NTM: variants seen among roughly 807,000 people sequenced by gnomAD.
NTM encodes neurotrimin.
NTM carries 13 observed loss-of-function variants against 42.1 expected under a neutral mutation model. The ratio of observed to expected loss-of-function variants is 0.31; its 90% CI spans 0.20 to 0.49. The LOEUF (loss-of-function observed/expected upper bound fraction) is 0.49, where lower values mean the gene tolerates loss of function less well. NTM is among the 20% of genes least tolerant of loss of function. NTM has a pLI of 0.99. For missense variants in NTM, 373 were observed against 452.8 expected, an observed-to-expected ratio of 0.82 and a Z score of 1.60; for synonymous variants, 187 against 179.2, an observed-to-expected ratio of 1.04 and a Z score of -0.35.
chr11:132,136,308 C>T (rs1310702685), intron 2 of NTM, among the ~76,000 whole-genome samples: 2 of 152,236 alleles, frequency 1.3e-5, no homozygotes, highest in Admixed American at 6.5e-5. Flanking sequence ...ACCTAGGCCC[C>T]AGGCAGTCAT....
chr11:132,255,822 C>T (rs941509801), intron 4 of NTM, among the ~76,000 whole-genome samples: 1 of 152,140 alleles, frequency 6.6e-6, no homozygotes, highest in Non-Finnish European at 1.5e-5. Flanking sequence ...CCTCCCCCTT[C>T]CCTGCTCCAC....
At chr11:131,647,549 G>A (rs2065920754) in intron 1 of NTM, among the ~76,000 whole-genome samples, 1 of 152,212 alleles carries the variant, frequency 6.6e-6, no homozygotes, top group Non-Finnish European at 1.5e-5. Context: ...CAGCTGCACA[G>A]CCTGCCAGGT....
chr11:131,853,418 C>T (rs529002027), intron 1 of NTM, among the ~76,000 whole-genome samples: 3 of 152,222 alleles, frequency 2.0e-5, no homozygotes, highest in African/African-American at 7.2e-5. Flanking sequence ...TGGACAGGCC[C>T]AGTGTGTGTT....
intron 1 of NTM, among the ~76,000 whole-genome samples, chr11:131,454,489 AC>A (rs1289947977): frequency 2.6e-5 from 4 of 151,980 alleles, no homozygotes; most frequent in Non-Finnish European, 4.4e-5. Context: ...ACCTTTACCC[AC>A]TTTAAGTGGA....
At chr11:131,648,847 T>G (rs2066098461) in intron 1 of NTM, among the ~76,000 whole-genome samples, 1 of 152,204 alleles carries the variant, frequency 6.6e-6, no homozygotes, top group Admixed American at 6.5e-5. Context: ...TATTGCATAT[T>G]TCTCTGGGAG....
chr11:131,617,173 G>A (rs1262565281), intron 1 of NTM, among the ~76,000 whole-genome samples: 2 of 152,052 alleles, frequency 1.3e-5, no homozygotes, highest in South Asian at 2.1e-4. Context: ...TGGCGTGTGT[G>A]TACTCCTGTG....
At chr11:131,614,932 G>C (rs187326010) in intron 1 of NTM, among the ~76,000 whole-genome samples, 45 of 152,262 alleles carry the variant, frequency 3.0e-4, no homozygotes, top group Non-Finnish European at 5.0e-4. Flanking sequence ...TCTCTGGCTG[G>C]CTCGCCAAGC....
chr11:131,537,887 TG>T (rs1591979892), intron 1 of NTM: 1 of 152,232 alleles, frequency 6.6e-6, no homozygotes, highest in African/African-American at 2.4e-5. Context: ...AGTGCTGCGC[TG>T]GTCAGCACAC....
intron 1 of NTM, among the ~76,000 whole-genome samples, chr11:131,896,299 T>C (rs1254533288): frequency 6.6e-6 from 1 of 152,196 alleles, no homozygotes; most frequent in African/African-American, 2.4e-5. Context: ...ATATAAAGTC[T>C]GACTGAATCT....
chr11:132,091,181 G>A (rs1438179870), intron 2 of NTM, among the ~76,000 whole-genome samples: 1 of 152,070 alleles, frequency 6.6e-6, no homozygotes, highest in Non-Finnish European at 1.5e-5. Flanking sequence ...CTTGAGCCTA[G>A]GAGCTCGAAA....
intron 2 of NTM, among the ~76,000 whole-genome samples, chr11:132,089,426 G>C (rs550558957): frequency 6.6e-6 from 1 of 152,190 alleles, no homozygotes; most frequent in African/African-American, 2.4e-5. Flanking sequence ...GGTGCTAGAG[G>C]TTTGGCACCC....
intron 1 of NTM, among the ~76,000 whole-genome samples, chr11:131,903,256 T>C (rs77406024): frequency 0.028 from 4,245 of 152,328 alleles, 215 homozygotes; most frequent in African/African-American, 0.095. Flanking sequence ...TGTGTAAATA[T>C]TCTCTTTATG....
At chr11:131,662,644 A>T (rs1328265272) in intron 1 of NTM, among the ~76,000 whole-genome samples, 1 of 152,246 alleles carries the variant, frequency 6.6e-6, no homozygotes, top group Non-Finnish European at 1.5e-5. Flanking sequence ...TCACTGATTT[A>T]GCGGGAACAT....
At chr11:131,394,620 G>A (rs1376749244) in intron 1 of NTM, among the ~76,000 whole-genome samples, 1 of 152,146 alleles carries the variant, frequency 6.6e-6, no homozygotes, top group Admixed American at 6.5e-5. Flanking sequence ...CAAAGATCAG[G>A]CTAGGAGAAA....
At chr11:131,403,966 C>G (rs1945531152) in intron 1 of NTM, among the ~76,000 whole-genome samples, 1 of 152,174 alleles carries the variant, frequency 6.6e-6, no homozygotes, top group African/African-American at 2.4e-5. Flanking sequence ...TTATCTTCCT[C>G]TTTCTTCTAC....
At chr11:132,052,337 C>A (rs1040440315) in intron 2 of NTM, among the ~76,000 whole-genome samples, 2 of 152,192 alleles carry the variant, frequency 1.3e-5, no homozygotes, top group African/African-American at 4.8e-5. Flanking sequence ...GGCATTCTCT[C>A]TAAGTTTGGG....
At chr11:132,229,518 T>G (rs1434352728) in intron 4 of NTM, among the ~76,000 whole-genome samples, 1 of 152,250 alleles carries the variant, frequency 6.6e-6, no homozygotes, top group Non-Finnish European at 1.5e-5. Context: ...TTTTAAGTTT[T>G]AAAATATTTT....
At chr11:131,458,038 A>G (rs928814229) in intron 1 of NTM, among the ~76,000 whole-genome samples, 1 of 152,160 alleles carries the variant, frequency 6.6e-6, no homozygotes, top group Non-Finnish European at 1.5e-5. Context: ...GCCCAAATGG[A>G]CTGAGGGTAT....
At chr11:132,298,689 T>C (rs1344939988) in intron 4 of NTM, among the ~76,000 whole-genome samples, 1 of 152,220 alleles carries the variant, frequency 6.6e-6, no homozygotes, top group African/African-American at 2.4e-5. Flanking sequence ...TGAAGCTAAT[T>C]ATTATTCCCA....
Sources: gnomAD v4.1 joint callset for allele counts (sites outside exome capture counted in the v4.1 genomes callset) on GRCh38, gnomAD v4.1.1 for gene constraint, MANE v1.5 for transcripts, NCBI Gene and HGNC (gene_info 2026-07-23, HGNC 2026-07-21) for gene names.